SYNCRIP: variants seen among roughly 807,000 people sequenced by gnomAD.
The protein encoded by SYNCRIP is heterogeneous nuclear ribonucleoprotein Q.
A neutral mutation model predicts 68.9 loss-of-function variants in SYNCRIP; 9 were observed. The observed-to-expected ratio is 0.13, with a 90% confidence interval of 0.08 to 0.23. SYNCRIP has a LOEUF of 0.23. Among genes scored for constraint, SYNCRIP ranks in the 10% least tolerant of loss-of-function variants. SYNCRIP has a pLI of 1.00. For synonymous variants in SYNCRIP, 258 were observed against 254.0 expected (o/e 1.02, Z -0.15); for missense variants, 414 against 770.6 (o/e 0.54, Z 5.48).
intron 4 of SYNCRIP, among the ~76,000 whole-genome samples, chr6:85,639,456 C>T (rs913624631): frequency 6.6e-6 from 1 of 152,160 alleles, no homozygotes; most frequent in Admixed American, 6.5e-5. Flanking sequence ...TCTTAAACAG[C>T]TAACTCCATA....
intron 6 of SYNCRIP, among the ~76,000 whole-genome samples, chr6:85,626,885 G>A (rs576955531): frequency 6.6e-6 from 1 of 152,340 alleles, no homozygotes; most frequent in Non-Finnish European, 1.5e-5. Flanking sequence ...AAGGATGGAT[G>A]TGGTCTCTGA....
chr6:85,634,782 A>G (rs1448196866), intron 6 of SYNCRIP, among the ~76,000 whole-genome samples: 1 of 152,126 alleles, frequency 6.6e-6, no homozygotes, highest in African/African-American at 2.4e-5. Context: ...CTTTTATAGG[A>G]GATTAAAGGA....
chr6:85,609,052 T>C (rs1414139142), downstream of SYNCRIP: 1 of 151,926 alleles, frequency 6.6e-6, no homozygotes, highest in Non-Finnish European at 1.5e-5. Context: ...GTCTGTTTCT[T>C]TTATGTATTT....
At chr6:85,618,243 G>T (rs549502546) in intron 10 of SYNCRIP, among the ~76,000 whole-genome samples, 1 of 152,102 alleles carries the variant, frequency 6.6e-6, no homozygotes, top group East Asian at 1.9e-4. Flanking sequence ...AAAATACAAA[G>T]AAAATATGTG....
chr6:85,614,974 C>T lies in SYNCRIP; in HGVS notation c.1654G>A (p.Gly552Ser). Residue 552 changes from glycine (G) to serine (S), a missense_variant, in exon 11 of 11, where the codon GGT becomes AGT. Physicochemically the swap from Gly to Ser is moderately conservative, Grantham distance 56. Transcript: ENST00000369622. ...TTTCCACCGCGGCCACCCCTCGCAC[C>T]ACGTACCCCGCGGCCTCTTTGTTGT... ...AQQQRGRGVR[G>S]ARGGRGGNVG... 1 of 1,613,660 alleles carries T rather than the reference C, an allele frequency of 6.2e-7. No individual in the cohort carries two copies. Among genetic ancestry groups the T allele is most frequent in the Non-Finnish European group, 8.5e-7 (1 of 1,179,712 alleles).
chr6:85,623,579 A>AAAAACAAAAAAAAAAAAAC (rs1554184895), intron 7 of SYNCRIP, among the ~76,000 whole-genome samples: 2 of 125,758 alleles, frequency 1.6e-5, no homozygotes, highest in African/African-American at 2.6e-5. Context: ...AAAAAAAAAA[A>AAAAACAAAAAAAAAAAAAC]AAAACACTCT....
At chr6:85,622,841 G>A (rs1203291095) in intron 7 of SYNCRIP, among the ~76,000 whole-genome samples, 154 bp from the exon 8 acceptor site, 1 of 152,094 alleles carries the variant, frequency 6.6e-6, no homozygotes, top group Non-Finnish European at 1.5e-5. Context: ...TCAAAAACTA[G>A]GTCCGGATTA....
chr6:85,636,297 T>C (rs564290090), intron 6 of SYNCRIP, among the ~76,000 whole-genome samples: 13 of 151,954 alleles, frequency 8.6e-5, no homozygotes, highest in African/African-American at 2.7e-4. Context: ...ATATAAAAAT[T>C]AGCCTGAGCG....
In SYNCRIP at chr6:85,622,739, C is replaced by T. The variant is rs760923505; in HGVS notation, c.803-52G>A. On this transcript the variant is annotated intron_variant, in intron 7 of 10. Coordinates refer to ENST00000369622, the MANE Select transcript of SYNCRIP (RefSeq NM_006372.5). ...AATTAGATGAAATAACTAGCAAATA[C>T]AAGTGGATCAAAGGATTTATCTAAG... 7.8e-6 allele frequency: 11 copies of T among 1,407,972 alleles called. No homozygotes were observed. In the Admixed American group the frequency reaches 1.7e-4, roughly 22 times the overall value. 87.2% of individuals were successfully genotyped at this position (1,407,972 alleles called of 1,614,324 possible).
intron 7 of SYNCRIP, among the ~76,000 whole-genome samples, 190 bp from the exon 8 acceptor site, chr6:85,622,877 T>C (rs1806573988): frequency 6.6e-6 from 1 of 152,238 alleles, no homozygotes; most frequent in Non-Finnish European, 1.5e-5. Context: ...TCCAAGTTTT[T>C]CAACACAGAA....
At chr6:85,640,390 C>T in intron 3 of SYNCRIP, 56 bp downstream of exon 3, 2 of 1,578,326 alleles carry the variant, frequency 1.3e-6, no homozygotes, top group Admixed American at 1.7e-5. Context: ...TAAAATTCAG[C>T]AGATAGTATC....
At chr6:85,629,575 G>GCATT (rs778831546) in intron 6 of SYNCRIP, among the ~76,000 whole-genome samples, 2 of 145,142 alleles carry the variant, frequency 1.4e-5, no homozygotes, top group Non-Finnish European at 3.0e-5. Context: ...TGTAATCCCA[G>GCATT]CATTTTGGGA....
rs552182857 is a variant in SYNCRIP at position 85,608,757 on chromosome 6, T to A, written c.*4125A>T. 4.6e-5 allele frequency: 7 copies of A among 152,196 alleles called. No homozygotes were observed. The East Asian group carries it at 1.3e-3, about 29-fold the overall frequency. 9.4% of individuals were successfully genotyped at this position (152,196 alleles called of 1,614,324 possible). A position where few individuals can be genotyped will look rare whatever the true frequency, so the allele number is the denominator to read the frequency against. Reference sequence around the variant, plus strand: ...AAACCTAATCTTTGACCCAGAGCGTTAGTAATAATACTGGTTTGCATCTGC... The same window carrying A: ...AAACCTAATCTTTGACCCAGAGCGTAAGTAATAATACTGGTTTGCATCTGC... On this transcript the variant is annotated 3_prime_UTR_variant, in exon 12 of 12. Coordinates refer to the SYNCRIP transcript ENST00000355238.
chr6:85,631,044 G>T (rs1807711895), intron 6 of SYNCRIP, among the ~76,000 whole-genome samples: 1 of 152,144 alleles, frequency 6.6e-6, no homozygotes, highest in Non-Finnish European at 1.5e-5. Context: ...GCCTTAAAAT[G>T]ATAATGGCCA....
chr6:85,611,809 C>T (rs1332256143), downstream of SYNCRIP: 2 of 152,520 alleles, frequency 1.3e-5, no homozygotes, highest in African/African-American at 4.8e-5. Flanking sequence ...TGAAACATAC[C>T]TTTTACCTAA....
intron 2 of SYNCRIP, 52 bp downstream of exon 2, chr6:85,641,240 G>A: frequency 1.3e-6 from 2 of 1,527,958 alleles, no homozygotes; most frequent in South Asian, 1.1e-5. Context: ...CTCAAAGCCA[G>A]AAATCCAATA....
intron 6 of SYNCRIP, among the ~76,000 whole-genome samples, chr6:85,634,124 A>G (rs1232168024): frequency 6.6e-6 from 1 of 152,216 alleles, no homozygotes; most frequent in Non-Finnish European, 1.5e-5. Context: ...TTTAAAAACT[A>G]TATTAATAAG....
downstream of SYNCRIP, chr6:85,611,951 T>C (rs1455761985): frequency 6.6e-6 from 1 of 152,428 alleles, no homozygotes; most frequent in Non-Finnish European, 1.5e-5. Flanking sequence ...CAGTATTTAG[T>C]ACAAGTTCGG....
intron 6 of SYNCRIP, among the ~76,000 whole-genome samples, chr6:85,626,686 A>G (rs138145808): frequency 4.9e-4 from 74 of 152,366 alleles, no homozygotes; most frequent in African/African-American, 1.6e-3. Context: ...TCAAAGAAAT[A>G]TAGAGAAGAC....
Sources: gnomAD v4.1 joint callset for allele counts (sites outside exome capture counted in the v4.1 genomes callset) on GRCh38, gnomAD v4.1.1 for gene constraint, MANE v1.5 for transcripts, NCBI Gene and HGNC (gene_info 2026-07-23, HGNC 2026-07-21) for gene names.